MAMDC2: variants seen among roughly 807,000 people sequenced by gnomAD.
MAMDC2 encodes MAM domain-containing protein 2.
A neutral mutation model predicts 89.8 loss-of-function variants in MAMDC2; 57 were observed. That is an observed-to-expected ratio of 0.63 (90% confidence interval 0.51 to 0.79). The LOEUF is 0.79. MAMDC2 is among the 30% of genes least tolerant of loss of function. MAMDC2 has a pLI of 0.00. For missense variants in MAMDC2, 800 were observed against 820.6 expected (o/e 0.97, Z 0.31); for synonymous variants, 313 against 293.4 (o/e 1.07, Z -0.68).
intron 2 of MAMDC2, among the ~76,000 whole-genome samples, chr9:70,091,896 GC>G (rs1285154869): frequency 6.6e-6 from 1 of 152,148 alleles, no homozygotes; most frequent in Non-Finnish European, 1.5e-5. Flanking sequence ...TTTCTCATAA[GC>G]CTTAGGCACA....
chr9:70,120,838 A>G (rs1355618594), intron 5 of MAMDC2, among the ~76,000 whole-genome samples: 3 of 152,232 alleles, frequency 2.0e-5, no homozygotes, highest in Non-Finnish European at 4.4e-5. Context: ...AACCCTTACA[A>G]CTAAAGGCTT....
intron 11 of MAMDC2, among the ~76,000 whole-genome samples, chr9:70,205,168 G>C (rs747467096): frequency 1.3e-5 from 2 of 152,132 alleles, no homozygotes; most frequent in Non-Finnish European, 2.9e-5. Context: ...TTAAAAAATT[G>C]GTGGTAAAAT....
intron 9 of MAMDC2, among the ~76,000 whole-genome samples, chr9:70,166,880 C>G (rs1379121597): frequency 6.6e-6 from 1 of 151,964 alleles, no homozygotes; most frequent in East Asian, 1.9e-4. Flanking sequence ...CCCCCCACAC[C>G]CCATAAAATA....
chr9:70,115,516 C>T (rs773089935), intron 5 of MAMDC2, among the ~76,000 whole-genome samples: 3 of 152,100 alleles, frequency 2.0e-5, no homozygotes, highest in Non-Finnish European at 2.9e-5. Flanking sequence ...CCACTTTGTC[C>T]AGCTAATTTT....
At chr9:70,136,255 C>T (rs1175305697) in intron 7 of MAMDC2, among the ~76,000 whole-genome samples, 1 of 152,168 alleles carries the variant, frequency 6.6e-6, no homozygotes, top group Admixed American at 6.5e-5. Context: ...CATAGTTTTG[C>T]CTTTTCAAGA....
intron 2 of MAMDC2, among the ~76,000 whole-genome samples, chr9:70,049,692 G>A (rs572789709): frequency 4.9e-4 from 74 of 152,318 alleles, no homozygotes; most frequent in Non-Finnish European, 9.7e-4. Context: ...ACAAGTCAGG[G>A]ATGTTCCTTG....
chr9:70,208,207 A>G (rs1010740760), intron 11 of MAMDC2, among the ~76,000 whole-genome samples: 7 of 152,168 alleles, frequency 4.6e-5, no homozygotes, highest in African/African-American at 9.7e-5. Context: ...CATTGAATCT[A>G]TAAATTACCT....
At chr9:70,097,191 T>C (rs913484900) in intron 2 of MAMDC2, among the ~76,000 whole-genome samples, 13 of 152,228 alleles carry the variant, frequency 8.5e-5, no homozygotes, top group Non-Finnish European at 1.3e-4. Flanking sequence ...GATCCCTTTA[T>C]TAGACATCAA....
intron 2 of MAMDC2, among the ~76,000 whole-genome samples, chr9:70,075,629 C>T (rs1222949660): frequency 6.6e-6 from 1 of 152,162 alleles, no homozygotes; most frequent in Non-Finnish European, 1.5e-5. Flanking sequence ...GTTTACAACC[C>T]AATGAGGGGG....
chr9:70,139,705 C>T (rs557961079), intron 7 of MAMDC2, among the ~76,000 whole-genome samples: 9 of 152,254 alleles, frequency 5.9e-5, no homozygotes, highest in African/African-American at 2.2e-4. Context: ...CACTGACTTC[C>T]ACAATGGTTG....
At chr9:70,202,208 T>G (rs374619866) in intron 11 of MAMDC2, among the ~76,000 whole-genome samples, 8,240 of 150,010 alleles carry the variant, frequency 0.055, 256 homozygotes, top group South Asian at 0.069. Context: ...TAAATTTCCC[T>G]CTACACACTG....
chr9:70,123,907 C>G (rs2030403602), intron 5 of MAMDC2, among the ~76,000 whole-genome samples: 1 of 152,192 alleles, frequency 6.6e-6, no homozygotes, highest in African/African-American at 2.4e-5. Context: ...CACCTTGATC[C>G]TTGACTTCTG....
intron 11 of MAMDC2, among the ~76,000 whole-genome samples, chr9:70,192,769 G>T (rs2032906813): frequency 6.6e-6 from 1 of 152,102 alleles, no homozygotes; most frequent in African/African-American, 2.4e-5. Flanking sequence ...ACTGCAACGG[G>T]ATTTTGCAGT....
intron 4 of MAMDC2, among the ~76,000 whole-genome samples, chr9:70,111,789 G>A (rs1828517131): frequency 6.6e-6 from 1 of 152,174 alleles, no homozygotes; most frequent in South Asian, 2.1e-4. Flanking sequence ...GCTCACTGAA[G>A]AGACCACAAA....
chr9:70,214,858 C>T (rs79132275), intron 11 of MAMDC2, among the ~76,000 whole-genome samples: 4,152 of 152,152 alleles, frequency 0.027, 79 homozygotes, highest in Middle Eastern at 0.041. Flanking sequence ...TGGGTGTCAA[C>T]GACTGGATAT....
intron 7 of MAMDC2, among the ~76,000 whole-genome samples, chr9:70,139,615 T>C (rs1191824965): frequency 6.6e-6 from 1 of 152,170 alleles, no homozygotes; most frequent in Non-Finnish European, 1.5e-5. Flanking sequence ...GCATGATTTA[T>C]AGTCCTTTGG....
intron 5 of MAMDC2, among the ~76,000 whole-genome samples, chr9:70,121,677 C>T (rs1271194545): frequency 6.6e-6 from 1 of 150,900 alleles, no homozygotes; most frequent in African/African-American, 2.4e-5. Context: ...TCCATCTATA[C>T]CTAGTTTCAT....
intron 11 of MAMDC2, among the ~76,000 whole-genome samples, chr9:70,202,310 T>G (rs1274681066): frequency 6.6e-6 from 1 of 152,078 alleles, no homozygotes; most frequent in Admixed American, 6.6e-5. Context: ...TTTCGTTATG[T>G]ACCCAGTAGT....
At chr9:70,128,933 A>C (rs180832237) in intron 6 of MAMDC2, among the ~76,000 whole-genome samples, 2 of 152,360 alleles carry the variant, frequency 1.3e-5, no homozygotes, top group East Asian at 1.9e-4. Context: ...CTGGAATTAC[A>C]GGCATGAACC....
Sources: allele counts gnomAD v4.1 joint callset (sites outside exome capture counted in the v4.1 genomes callset), GRCh38; gene constraint gnomAD v4.1.1; transcripts MANE v1.5; gene names NCBI Gene and HGNC (gene_info 2026-07-23, HGNC 2026-07-21).